The following TNNI3K variants were observed in gnomAD, a reference collection of about 807,000 sequenced individuals.
TNNI3K encodes the protein serine/threonine-protein kinase TNNI3K.
TNNI3K carries 140 observed loss-of-function variants against 114.5 expected under a neutral mutation model. The observed-to-expected ratio is 1.22, with a 90% CI of 1.07 to 1.41. The LOEUF (loss-of-function observed/expected upper bound fraction) is 1.41, where lower values mean the gene tolerates loss of function less well. TNNI3K is among the 40% of genes most tolerant of loss of function. The probability of loss-of-function intolerance (pLI) is 0.00; values close to 1 mark genes in which losing one functional copy is unlikely to be tolerated. For synonymous variants in TNNI3K, 347 were observed against 347.5 expected, an observed-to-expected ratio of 1.00 and a Z score of 0.02; for missense variants, 1,125 against 1,007.6, an observed-to-expected ratio of 1.12 and a Z score of -1.58.
At chr1:74,312,412 T>TGGGG (rs1659044671) in intron 5 of TNNI3K, among the ~76,000 whole-genome samples, 1 of 152,204 alleles carries the variant, frequency 6.6e-6, no homozygotes, top group Admixed American at 6.5e-5. Context: ...TCACAGAATA[T>TGGGG]GTTTATGAAA....
rs1016161581 is a variant in TNNI3K at position 74,271,610 on chromosome 1, T to C, written c.346T>C (p.Leu116=). Residue 116 remains leucine, a synonymous_variant, in exon 5 of 25, where the codon TTG becomes CTG. Coordinates refer to ENST00000326637, the MANE Select transcript of TNNI3K (RefSeq NM_015978.3). ...TGTTTCCTTACAGGATAATGCAGAA[T>C]TGATCACTTCTCTGCTTCACAGTGG... ...HLAVYKDNAE[L]ITSLLHSGAD... The C allele has an allele frequency of 6.2e-7, 1 of 1,604,556 alleles. No individual in the cohort carries two copies. The highest frequency in any genetic ancestry group is 8.5e-7 in the Non-Finnish European group (1 of 1,174,900).
chr1:74,296,437 CTA>C lies in TNNI3K; in HGVS notation c.444+24731_444+24732del, dbSNP rs1038144864. 8.4e-4 allele frequency among the ~76,000 whole-genome samples: 128 copies of C among 152,012 alleles called. 1 individual carries two copies. The highest frequency in any genetic ancestry group is 2.9e-3 in the African/African-American group (121 of 41,446). ...CCTTTTTGTGTATTTATTTAAAATG[CTA>C]TGTCATAATTATTATTTTTAATATA... On this transcript the variant is annotated intron_variant, in intron 5 of 24. Coordinates refer to ENST00000326637, the MANE Select transcript of TNNI3K (RefSeq NM_015978.3).
rs1453028550 is a variant in TNNI3K, at chr1:74,416,491, CACTAGTAGGTGTG to C, written c.1773-19586_1773-19574del. On this transcript the variant is annotated intron_variant, in intron 17 of 24. Transcript: ENST00000326637. ...ATTCTCCCAAAAGGTAGAGGCTTTA[CACTAGTAGGTGTG>C]ACAGTGGGAAGGTGGCTTACATAGT... The C allele has an allele frequency of 3.1e-6, 3 of 981,516 alleles. No individual in the cohort carries two copies. The Admixed American group carries it at 1.8e-4, about 60-fold the overall frequency. The allele number at this position is 981,516 out of a possible 1,614,324, so 60.8% of individuals were successfully genotyped here. A position where few individuals can be genotyped will look rare whatever the true frequency, so the allele number is the denominator to read the frequency against.
chr1:74,374,043 A>G (rs1459318657), intron 17 of TNNI3K: 2 of 151,928 alleles, frequency 1.3e-5, no homozygotes, highest in South Asian at 2.1e-4. Context: ...AAGAGTACCT[A>G]TAATATCTAG....
chr1:74,410,735 CTG>C (rs1664841771), intron 17 of TNNI3K, among the ~76,000 whole-genome samples: 1 of 152,140 alleles, frequency 6.6e-6, no homozygotes, highest in Non-Finnish European at 1.5e-5. Flanking sequence ...GATGAGATAA[CTG>C]TGAAAAGCCA....
At chr1:74,521,473 TCACA>T (rs145040288) in intron 23 of TNNI3K, among the ~76,000 whole-genome samples, 1 of 120,930 alleles carries the variant, frequency 8.3e-6, no homozygotes, top group African/African-American at 2.5e-5. Flanking sequence ...CTTATCTCTC[TCACA>T]CACACACACA....
At chr1:74,480,476 G>C in intron 21 of TNNI3K, 1 of 717,524 alleles carries the variant, frequency 1.4e-6, no homozygotes, top group Non-Finnish European at 2.6e-6. Context: ...CGGCATGTGG[G>C]CTAACCTATT....
At chr1:74,525,850 A>G (rs1440943970) in intron 23 of TNNI3K, among the ~76,000 whole-genome samples, 3 of 152,206 alleles carry the variant, frequency 2.0e-5, no homozygotes, top group African/African-American at 7.2e-5. Context: ...ATCACAGCAC[A>G]TCACACCAGA....
chr1:74,328,491 T>G (rs1056909036), intron 5 of TNNI3K, among the ~76,000 whole-genome samples: 1 of 152,164 alleles, frequency 6.6e-6, no homozygotes, highest in African/African-American at 2.4e-5. Flanking sequence ...TACAAATTAG[T>G]ACATGAATTC....
chr1:74,500,043 C>A (rs1218377695), intron 23 of TNNI3K, among the ~76,000 whole-genome samples: 1 of 151,638 alleles, frequency 6.6e-6, no homozygotes, highest in African/African-American at 2.4e-5. Flanking sequence ...ACCCCAGAAG[C>A]TTTAATATAT....
At chr1:74,478,558 C>T (rs1470594967) in intron 21 of TNNI3K, among the ~76,000 whole-genome samples, 1 of 151,940 alleles carries the variant, frequency 6.6e-6, no homozygotes, top group Non-Finnish European at 1.5e-5. Context: ...CAATGAAATC[C>T]TCTATGAAAA....
intron 23 of TNNI3K, among the ~76,000 whole-genome samples, chr1:74,511,183 C>T (rs1570722902): frequency 7.2e-6 from 1 of 139,074 alleles, no homozygotes; most frequent in African/African-American, 2.8e-5. Context: ...CGTGAGCTAC[C>T]GTGCCCGGCC....
chr1:74,433,949 C>G (rs1356792470), intron 17 of TNNI3K, among the ~76,000 whole-genome samples: 2 of 151,846 alleles, frequency 1.3e-5, no homozygotes, highest in African/African-American at 2.4e-5. Context: ...TTGTTGTTGT[C>G]TTTTAGTCTC....
In TNNI3K at chr1:74,250,656, C is replaced by G. The variant is rs1219312478; in HGVS notation, c.236-16C>G. On this transcript the variant is annotated splice_polypyrimidine_tract_variant and intron_variant, in intron 3 of 24. Transcript: ENST00000326637. ...TCCCCACAATGATTTAGCCTTTTTT[C>G]ATTTTTCTCTTTAAGGCAAGAAATC... 1 of 1,603,988 alleles carries G rather than the reference C, an allele frequency of 6.2e-7. No individual in the cohort carries two copies. Among genetic ancestry groups the G allele is most frequent in the South Asian group, 1.1e-5 (1 of 89,088 alleles).
intron 20 of TNNI3K, among the ~76,000 whole-genome samples, chr1:74,448,207 A>G (rs1294104232): frequency 1.7e-5 from 2 of 120,456 alleles, no homozygotes; most frequent in African/African-American, 3.5e-5. Context: ...ACATGTATAC[A>G]TATGTAACTA....
chr1:74,376,441 T>A (rs1362324654), intron 17 of TNNI3K, among the ~76,000 whole-genome samples: 3 of 152,012 alleles, frequency 2.0e-5, no homozygotes, highest in Non-Finnish European at 4.4e-5. Flanking sequence ...GCAAATATCA[T>A]CTTCAGGAGA....
chr1:74,256,536 A>G (rs1263844945), intron 4 of TNNI3K, among the ~76,000 whole-genome samples: 1 of 151,796 alleles, frequency 6.6e-6, no homozygotes, highest in Admixed American at 6.6e-5. Context: ...TCTTGAATAT[A>G]CTTTTGCAAA....
chr1:74,481,452 G>T (rs1238435587), intron 21 of TNNI3K, among the ~76,000 whole-genome samples: 1 of 152,174 alleles, frequency 6.6e-6, no homozygotes, highest in Non-Finnish European at 1.5e-5. Flanking sequence ...AAGTAAAGGT[G>T]CGAGTTGGGA....
chr1:74,347,977 G>C (rs1453678651), intron 9 of TNNI3K, among the ~76,000 whole-genome samples: 2 of 152,108 alleles, frequency 1.3e-5, no homozygotes, highest in Admixed American at 1.3e-4. Flanking sequence ...GGTTTCTTTT[G>C]CTGTGCAGAA....
Sources: gnomAD v4.1 joint callset for allele counts (sites outside exome capture counted in the v4.1 genomes callset) on GRCh38, gnomAD v4.1.1 for gene constraint, MANE v1.5 for transcripts, NCBI Gene and HGNC (gene_info 2026-07-23, HGNC 2026-07-21) for gene names.